The following LOXHD1 variants were observed in gnomAD, a reference collection of about 807,000 sequenced individuals.
LOXHD1 encodes the protein lipoxygenase homology domain-containing protein 1.
LOXHD1 carries 205 observed loss-of-function variants against 248.2 expected under a neutral mutation model. The observed-to-expected ratio is 0.83, with a 90% CI of 0.74 to 0.93. The LOEUF (loss-of-function observed/expected upper bound fraction) is 0.93, where lower values mean the gene tolerates loss of function less well. Ranked by LOEUF, LOXHD1 falls within the 40% of genes least tolerant of loss-of-function variation. LOXHD1 has a pLI of 0.00. For missense variants in LOXHD1, 2,930 were observed against 2,971.6 expected (o/e 0.99, Z 0.33); for synonymous variants, 1,113 against 1,162.8 (o/e 0.96, Z 0.87).
At chr18:46,516,518 A>G (rs1198189928) in intron 34 of LOXHD1, among the ~76,000 whole-genome samples, 1 of 152,192 alleles carries the variant, frequency 6.6e-6, no homozygotes, top group African/African-American at 2.4e-5. Context: ...TGCTCCGTCC[A>G]TGAAAAGAAA....
intron 34 of LOXHD1, among the ~76,000 whole-genome samples, chr18:46,514,146 C>A (rs377009820): frequency 6.6e-6 from 1 of 152,218 alleles, no homozygotes; most frequent in Non-Finnish European, 1.5e-5. Flanking sequence ...AAGGTCAAAT[C>A]TTAAACAGAT....
intron 6 of LOXHD1, among the ~76,000 whole-genome samples, chr18:46,608,428 T>C (rs925656677): frequency 4.6e-5 from 7 of 152,160 alleles, no homozygotes; most frequent in African/African-American, 1.4e-4. Context: ...AGAAGGAACC[T>C]GAGTTCAAGA....
chr18:46,582,319 A>G (rs920181090), intron 12 of LOXHD1, among the ~76,000 whole-genome samples: 1 of 152,182 alleles, frequency 6.6e-6, no homozygotes, highest in Non-Finnish European at 1.5e-5. Flanking sequence ...AAGTTTTTGT[A>G]TACTACTGAA....
Position 46,534,248 on chromosome 18 carries a change from G to C in LOXHD1, c.4212+87C>G, listed in dbSNP as rs148011768. 4.3e-3 allele frequency: 3,618 copies of C among 847,924 alleles called. 19 individuals are homozygous for C. The highest frequency in any genetic ancestry group is 5.7e-3 in the Non-Finnish European group (2,942 of 519,996). 52.5% of individuals were successfully genotyped at this position (847,924 alleles called of 1,614,324 possible). ...TTTTTATCTCAATAAGGCTGATCTA[G>C]CCAGTAGGTCCTCACAGGGAATTTG... On this transcript the variant is annotated intron_variant, in intron 27 of 40. Coordinates refer to ENST00000642948, the MANE Select transcript of LOXHD1 (RefSeq NM_001384474.1).
At chr18:46,613,144 G>C (rs1357199259) in intron 5 of LOXHD1, among the ~76,000 whole-genome samples, 6 of 152,088 alleles carry the variant, frequency 3.9e-5, no homozygotes, top group African/African-American at 1.4e-4. Context: ...TGCCTTTTAA[G>C]ATTTCAACTG....
intron 1 of LOXHD1, among the ~76,000 whole-genome samples, chr18:46,650,797 T>G (rs1041208651): frequency 2.0e-5 from 3 of 152,184 alleles, no homozygotes; most frequent in African/African-American, 7.2e-5. Flanking sequence ...TACTTCAGCA[T>G]GCCCAGAGCC....
intron 37 of LOXHD1, among the ~76,000 whole-genome samples, chr18:46,491,458 C>T (rs1403367189): frequency 6.6e-6 from 1 of 152,242 alleles, no homozygotes. Context: ...GCTGCTGGTC[C>T]TAGAGCGACA....
intron 33 of LOXHD1, 90 bp from the exon 34 acceptor site, chr18:46,518,346 C>T (rs887162308): frequency 1.4e-6 from 2 of 1,449,604 alleles, no homozygotes; most frequent in African/African-American, 1.4e-5. Context: ...AAGAGACACA[C>T]TGTCCAAGTT....
chr18:46,586,445 TTTTG>T (rs1322359729), intron 12 of LOXHD1, among the ~76,000 whole-genome samples: 12 of 152,238 alleles, frequency 7.9e-5, no homozygotes, highest in African/African-American at 1.4e-4. Flanking sequence ...TTTTTGTTTG[TTTTG>T]TTTGTTTGTT....
At chr18:46,572,940 G>A (rs1158697260) in intron 14 of LOXHD1, among the ~76,000 whole-genome samples, 1 of 142,362 alleles carries the variant, frequency 7.0e-6, no homozygotes, top group Non-Finnish European at 1.5e-5. Flanking sequence ...GGAGAATTGT[G>A]TGAACCCAGG....
At chr18:46,600,290 T>C (rs112094677) in intron 8 of LOXHD1, among the ~76,000 whole-genome samples, 8,221 of 152,184 alleles carry the variant, frequency 0.054, 273 homozygotes, top group Non-Finnish European at 0.08. Context: ...CTCTAAAACA[T>C]AATGTTGAGT....
In LOXHD1 at chr18:46,559,480, ACTT is replaced by A; in HGVS notation, c.3181_3183del (p.Lys1061del). Reference sequence around the variant, plus strand: ...TGCTCAAATTTGTTGGACTTGTCTGACTTCTTCAGGGGTCGTTCGCCCGTGTCT... The same window carrying A: ...TGCTCAAATTTGTTGGACTTGTCTGACTTCAGGGGTCGTTCGCCCGTGTCT... On this transcript the variant is annotated inframe_deletion, in exon 20 of 41. Transcript: ENST00000642948. 6.4e-7 allele frequency: 1 copy of A among 1,551,952 alleles called. No homozygotes were observed. The highest frequency in any genetic ancestry group is 8.7e-7 in the Non-Finnish European group (1 of 1,147,054).
At chr18:46,647,499 C>T (rs551021603) in intron 2 of LOXHD1, among the ~76,000 whole-genome samples, 13 of 152,266 alleles carry the variant, frequency 8.5e-5, no homozygotes, top group Admixed American at 5.9e-4. Flanking sequence ...ACCAACCGGG[C>T]GACTCCCTAG....
At chr18:46,644,695 C>T (rs528925480) in intron 2 of LOXHD1, among the ~76,000 whole-genome samples, 33 of 152,064 alleles carry the variant, frequency 2.2e-4, no homozygotes, top group African/African-American at 7.7e-4. Flanking sequence ...GCACTCCAGC[C>T]TGGGTGACAG....
chr18:46,482,241 T>C (rs1007452838), intron 40 of LOXHD1, among the ~76,000 whole-genome samples: 1 of 152,200 alleles, frequency 6.6e-6, no homozygotes, highest in African/African-American at 2.4e-5. Flanking sequence ...CCCAAATTTA[T>C]ACATTGAAGC....
At chr18:46,594,202 C>T in intron 9 of LOXHD1, 129 bp downstream of exon 9, 2 of 1,270,628 alleles carry the variant, frequency 1.6e-6, no homozygotes, top group East Asian at 2.5e-5. Flanking sequence ...GAGCTTTTTC[C>T]TTCCTTTCTG....
intron 12 of LOXHD1, among the ~76,000 whole-genome samples, chr18:46,583,411 T>C (rs1471001534): frequency 6.6e-6 from 1 of 152,068 alleles, no homozygotes; most frequent in African/African-American, 2.4e-5. Flanking sequence ...AAAGAAAATA[T>C]TTGCAAATTA....
At chr18:46,609,689 GTATTT>G (rs1326359404) in intron 6 of LOXHD1, among the ~76,000 whole-genome samples, 2 of 152,166 alleles carry the variant, frequency 1.3e-5, no homozygotes, top group African/African-American at 4.8e-5. Flanking sequence ...TACTCTTTTG[GTATTT>G]TATATCTTCT....
At chr18:46,498,187 T>A (rs1294257797) in intron 37 of LOXHD1, among the ~76,000 whole-genome samples, 1 of 152,214 alleles carries the variant, frequency 6.6e-6, no homozygotes, top group Non-Finnish European at 1.5e-5. Context: ...GTGTTAGGAC[T>A]CTGGGCCACC....
Sources: allele counts gnomAD v4.1 joint callset (sites outside exome capture counted in the v4.1 genomes callset), GRCh38; gene constraint gnomAD v4.1.1; transcripts MANE v1.5; gene names NCBI Gene and HGNC (gene_info 2026-07-23, HGNC 2026-07-21).